Variants in GPHN observed in about 807,000 individuals in gnomAD.
The protein encoded by GPHN is gephyrin.
In GPHN, 17 loss-of-function variants were observed where a neutral mutation model predicts 95.5. The observed-to-expected ratio is 0.18, with a 90% confidence interval of 0.12 to 0.27. The LOEUF is 0.27. Among genes scored for constraint, GPHN ranks in the 10% least tolerant of loss-of-function variants. The probability of loss-of-function intolerance (pLI) is 1.00; values close to 1 mark genes in which losing one functional copy is unlikely to be tolerated. For missense variants in GPHN, 660 were observed against 978.1 expected, an observed-to-expected ratio of 0.67 and a Z score of 4.34; for synonymous variants, 320 against 322.5, an observed-to-expected ratio of 0.99 and a Z score of 0.08.
At chr14:67,320,134 G>A in the GPHN span, 13 of 1,083,178 alleles carry the variant, frequency 1.2e-5, no homozygotes, top group East Asian at 7.9e-5. Context: ...AATAAATTGT[G>A]CTTTTGTCTA....
At chr14:67,257,994 A>G in the GPHN span, among the ~76,000 whole-genome samples, 1 of 152,252 alleles carries the variant, frequency 6.6e-6, no homozygotes, top group East Asian at 1.9e-4. Flanking sequence ...TTCGATTGTC[A>G]TTGAATAATT....
At chr14:67,524,666 C>T in the GPHN span, among the ~76,000 whole-genome samples, 1 of 152,216 alleles carries the variant, frequency 6.6e-6, no homozygotes, top group African/African-American at 2.4e-5. Flanking sequence ...CCCAACTTAA[C>T]TCTGTCCCCA....
intron 17 of GPHN, among the ~76,000 whole-genome samples, chr14:67,137,633 C>T (rs117629015): frequency 0.013 from 1,960 of 152,078 alleles, 18 homozygotes; most frequent in Non-Finnish European, 0.021. Context: ...GGTGTGGTGG[C>T]GCACTCTTGT....
At chr14:66,641,025 A>C (rs958152327) in intron 1 of GPHN, among the ~76,000 whole-genome samples, 6 of 152,208 alleles carry the variant, frequency 3.9e-5, no homozygotes, top group African/African-American at 1.4e-4. Context: ...TCTTAAATTA[A>C]ATGGGAGGAT....
At chr14:66,547,041 T>C (rs1018274721) in intron 1 of GPHN, among the ~76,000 whole-genome samples, 12 of 152,228 alleles carry the variant, frequency 7.9e-5, no homozygotes, top group Admixed American at 7.2e-4. Context: ...ATAGCTTGTT[T>C]TATTCCAGTG....
chr14:67,303,898 G>A, the GPHN span, among the ~76,000 whole-genome samples: 3 of 152,008 alleles, frequency 2.0e-5, no homozygotes, highest in Non-Finnish European at 4.4e-5. Context: ...CTCTTGAGTA[G>A]CTGGGATTCC....
the GPHN span, chr14:67,364,950 A>G: frequency 1.2e-6 from 2 of 1,614,032 alleles, no homozygotes; most frequent in Non-Finnish European, 1.7e-6. Flanking sequence ...CTATCAACAA[A>G]CTCATCCGAA....
chr14:67,610,233 C>A, the GPHN span, among the ~76,000 whole-genome samples: 1 of 152,168 alleles, frequency 6.6e-6, no homozygotes, highest in Non-Finnish European at 1.5e-5. Flanking sequence ...TGACTGACTC[C>A]ATTTTGCTAC....
At chr14:66,632,801 C>T (rs1282690482) in intron 1 of GPHN, among the ~76,000 whole-genome samples, 1 of 152,086 alleles carries the variant, frequency 6.6e-6, no homozygotes, top group Middle Eastern at 3.2e-3. Context: ...CCTTATAATA[C>T]ATTCTGCGTA....
chr14:66,587,251 A>C (rs562423399), intron 1 of GPHN, among the ~76,000 whole-genome samples: 2 of 152,360 alleles, frequency 1.3e-5, no homozygotes, highest in Admixed American at 1.3e-4. Context: ...AATAGCTCTT[A>C]TGTGAAAAAG....
At chr14:66,568,380 G>C (rs894156520) in intron 1 of GPHN, among the ~76,000 whole-genome samples, 1 of 152,100 alleles carries the variant, frequency 6.6e-6, no homozygotes, top group Admixed American at 6.5e-5. Flanking sequence ...GGCATTTTAG[G>C]CCAGATTATT....
the GPHN span, among the ~76,000 whole-genome samples, chr14:67,372,923 T>C: frequency 1.3e-5 from 2 of 152,124 alleles, no homozygotes; most frequent in South Asian, 2.1e-4. Context: ...CCAGAGAAGA[T>C]AATTGGATAG....
At chr14:67,609,657 C>T in the GPHN span, among the ~76,000 whole-genome samples, 5,468 of 152,222 alleles carry the variant, frequency 0.036, 256 homozygotes, top group African/African-American at 0.11. Flanking sequence ...AACTCACCTC[C>T]TTAACATAAA....
rs138424834 is a variant in GPHN, at chr14:66,674,266, T to C, written c.65-6841T>C. 6.3e-3 allele frequency among the ~76,000 whole-genome samples: 957 copies of C among 152,046 alleles called. 6 individuals carry two copies. The highest frequency in any genetic ancestry group is 0.014 in the Middle Eastern group (4 of 294). On this transcript the variant is annotated intron_variant, in intron 1 of 22. Coordinates refer to ENST00000478722, the MANE Select transcript of GPHN (RefSeq NM_020806.5). ...GACGCCCACCACCACTCCTGGCTAA[T>C]TTTTTGTATTTTTAGTAGAGACGGG...
At chr14:67,192,097 G>T in the GPHN span, among the ~76,000 whole-genome samples, 2 of 152,190 alleles carry the variant, frequency 1.3e-5, no homozygotes, top group Non-Finnish European at 2.9e-5. Context: ...TGCCACCCTC[G>T]CTCTGCAGCG....
the GPHN span, chr14:67,392,418 A>C: frequency 6.2e-7 from 1 of 1,612,352 alleles, no homozygotes; most frequent in Non-Finnish European, 8.5e-7. Flanking sequence ...TTCTTTTTGT[A>C]GCTCTCAGCC....
intron 9 of GPHN, among the ~76,000 whole-genome samples, chr14:67,012,886 G>T (rs895401472): frequency 6.6e-6 from 1 of 151,978 alleles, no homozygotes; most frequent in East Asian, 1.9e-4. Context: ...GTCTAAAATA[G>T]CTATACCTTA....
At chr14:66,552,988 C>CTTTTTTTTTTTTTTTT (rs2059875504) in intron 1 of GPHN, among the ~76,000 whole-genome samples, 1 of 131,850 alleles carries the variant, frequency 7.6e-6, no homozygotes, top group African/African-American at 2.9e-5. Flanking sequence ...TTTTTCTTTT[C>CTTTTTTTTTTTTTTTT]TTTTCTTTTT....
intron 1 of GPHN, among the ~76,000 whole-genome samples, chr14:66,606,516 A>T (rs149307618): frequency 2.6e-5 from 4 of 152,240 alleles, no homozygotes; most frequent in African/African-American, 9.6e-5. Flanking sequence ...GCAAAAAATG[A>T]TGTTGGTAGT....
Sources: gnomAD v4.1 joint callset for allele counts (sites outside exome capture counted in the v4.1 genomes callset) on GRCh38, gnomAD v4.1.1 for gene constraint, MANE v1.5 for transcripts, NCBI Gene and HGNC (gene_info 2026-07-23, HGNC 2026-07-21) for gene names.